Variants in AOPEP observed in about 807,000 individuals in gnomAD.
AOPEP encodes aminopeptidase O (putative), also known as aminopeptidase O.
A neutral mutation model predicts 98.1 loss-of-function variants in AOPEP; 77 were observed. The ratio of observed to expected loss-of-function variants is 0.78; its 90% CI spans 0.65 to 0.95. The LOEUF (loss-of-function observed/expected upper bound fraction) is 0.95, where lower values mean the gene tolerates loss of function less well. AOPEP is among the 40% of genes least tolerant of loss of function. The pLI is 0.00. For missense variants in AOPEP, 1,024 were observed against 1,024.7 expected, an observed-to-expected ratio of 1.00 and a Z score of 0.01; for synonymous variants, 346 against 365.3, an observed-to-expected ratio of 0.95 and a Z score of 0.60.
chr9:95,005,740 A>G, intron 13 of AOPEP, 124 bp downstream of exon 13: 1 of 723,658 alleles, frequency 1.4e-6, no homozygotes, highest in Non-Finnish European at 2.4e-6. Context: ...TAAACCATAG[A>G]TTTAATATAT....
chr9:95,023,392 A>G (rs1221447611), intron 13 of AOPEP, among the ~76,000 whole-genome samples: 1 of 152,180 alleles, frequency 6.6e-6, no homozygotes, highest in African/African-American at 2.4e-5. Flanking sequence ...TCACTTCTCT[A>G]GTGGGTCCCA....
At chr9:94,869,194 A>ACTCAAAC (rs1482698040) in intron 5 of AOPEP, among the ~76,000 whole-genome samples, 2 of 152,232 alleles carry the variant, frequency 1.3e-5, no homozygotes, top group Non-Finnish European at 2.9e-5. Flanking sequence ...GCGCCACTTC[A>ACTCAAAC]CTCAAACCTG....
intron 5 of AOPEP, among the ~76,000 whole-genome samples, chr9:94,852,680 C>A (rs780463641): frequency 6.6e-6 from 1 of 152,188 alleles, no homozygotes; most frequent in African/African-American, 2.4e-5. Flanking sequence ...CAGGTGCTTT[C>A]GCAGTTTCAG....
At chr9:94,925,139 A>G (rs1382099853) in intron 6 of AOPEP, among the ~76,000 whole-genome samples, 1 of 152,138 alleles carries the variant, frequency 6.6e-6, no homozygotes, top group Non-Finnish European at 1.5e-5. Flanking sequence ...TGACAGGCAC[A>G]TGTCACCATG....
intron 13 of AOPEP, among the ~76,000 whole-genome samples, chr9:95,014,335 G>C (rs574018932): frequency 6.6e-6 from 1 of 152,026 alleles, no homozygotes; most frequent in East Asian, 1.9e-4. Flanking sequence ...TTAGCTGGAC[G>C]TGGTGGTACA....
chr9:94,846,904 C>G (rs2042925885), intron 5 of AOPEP, among the ~76,000 whole-genome samples: 1 of 152,044 alleles, frequency 6.6e-6, no homozygotes, highest in African/African-American at 2.4e-5. Context: ...GAGCAAGACT[C>G]TGTCTCTGAA....
At chr9:94,895,440 T>C (rs2049410886) in intron 5 of AOPEP, among the ~76,000 whole-genome samples, 1 of 149,018 alleles carries the variant, frequency 6.7e-6, no homozygotes, top group African/African-American at 2.5e-5. Flanking sequence ...AAGCTAGCAT[T>C]ATATTAGTAA....
intron 5 of AOPEP, among the ~76,000 whole-genome samples, chr9:94,817,648 C>T (rs1488172307): frequency 2.6e-5 from 4 of 152,122 alleles, no homozygotes; most frequent in East Asian, 1.9e-4. Flanking sequence ...AATATCCATC[C>T]GAATATTTAT....
At chr9:94,815,577 C>T (rs1010664387) in intron 5 of AOPEP, among the ~76,000 whole-genome samples, 1 of 152,060 alleles carries the variant, frequency 6.6e-6, no homozygotes, top group Non-Finnish European at 1.5e-5. Flanking sequence ...TCCTTTGGAG[C>T]TGAAGGCAAT....
chr9:95,067,357 G>A (rs571031143), intron 14 of AOPEP, among the ~76,000 whole-genome samples: 5 of 152,208 alleles, frequency 3.3e-5, no homozygotes, highest in Admixed American at 2.0e-4. Flanking sequence ...AGTAGAGATT[G>A]GCTAAACTTT....
intron 5 of AOPEP, among the ~76,000 whole-genome samples, chr9:94,853,947 A>G (rs2043874411): frequency 3.9e-5 from 6 of 152,214 alleles, no homozygotes; most frequent in Admixed American, 3.9e-4. Flanking sequence ...GCAGATTATC[A>G]ATCACCTCTT....
chr9:94,903,171 C>T (rs571520035), intron 5 of AOPEP, among the ~76,000 whole-genome samples: 12 of 151,470 alleles, frequency 7.9e-5, no homozygotes, highest in Non-Finnish European at 1.6e-4. Context: ...TGTGGAGAGA[C>T]GGGGTTTTAC....
intron 13 of AOPEP, among the ~76,000 whole-genome samples, chr9:95,036,560 T>C (rs2064837519): frequency 1.3e-5 from 2 of 152,252 alleles, no homozygotes; most frequent in African/African-American, 2.4e-5. Context: ...ATGTGTTTAC[T>C]TGCTCTTTAT....
chr9:94,992,138 CA>C (rs1454168910), intron 11 of AOPEP, among the ~76,000 whole-genome samples: 3 of 152,216 alleles, frequency 2.0e-5, no homozygotes, highest in African/African-American at 7.2e-5. Flanking sequence ...TCAGAGAGCA[CA>C]AAGGTGGTGG....
chr9:94,863,663 G>A (rs909371665), intron 5 of AOPEP, among the ~76,000 whole-genome samples: 10 of 152,026 alleles, frequency 6.6e-5, no homozygotes, highest in African/African-American at 2.2e-4. Context: ...TGATCCACCC[G>A]CCTCGGCCTC....
At chr9:94,943,603 AAAAAAAG>A (rs1237737423) in intron 7 of AOPEP, among the ~76,000 whole-genome samples, 2 of 149,304 alleles carry the variant, frequency 1.3e-5, no homozygotes, top group African/African-American at 5.0e-5. Flanking sequence ...CAAATAAAAA[AAAAAAAG>A]AAAAAAGAAA....
At chr9:95,057,788 G>A (rs1005498440) in intron 13 of AOPEP, among the ~76,000 whole-genome samples, 1 of 152,096 alleles carries the variant, frequency 6.6e-6, no homozygotes, top group African/African-American at 2.4e-5. Context: ...CCAGGTGGCC[G>A]CAGGTTGTTT....
chr9:94,833,792 A>C (rs1229281940), intron 5 of AOPEP, among the ~76,000 whole-genome samples: 1 of 152,238 alleles, frequency 6.6e-6, no homozygotes. Flanking sequence ...AGACTCAGGC[A>C]TTTATTTTGT....
chr9:95,094,163 C>T, the AOPEP span, among the ~76,000 whole-genome samples: 1 of 152,114 alleles, frequency 6.6e-6, no homozygotes, highest in Non-Finnish European at 1.5e-5. Flanking sequence ...TTGGCTGTCG[C>T]ATCCTGCACA....
Sources: gnomAD v4.1 joint callset for allele counts (sites outside exome capture counted in the v4.1 genomes callset) on GRCh38, gnomAD v4.1.1 for gene constraint, MANE v1.5 for transcripts, NCBI Gene and HGNC (gene_info 2026-07-23, HGNC 2026-07-21) for gene names.